PKHD1: variants seen among roughly 807,000 people sequenced by gnomAD.
PKHD1 encodes fibrocystin.
Under a neutral mutation model 412.0 loss-of-function variants are expected in PKHD1, and 291 were observed. That is an observed-to-expected ratio of 0.71 (90% confidence interval 0.64 to 0.78). The LOEUF (loss-of-function observed/expected upper bound fraction) is 0.78. Ranked by LOEUF, PKHD1 falls within the 30% of genes least tolerant of loss-of-function variation. The pLI is 0.00. For missense variants in PKHD1, 4,825 were observed against 4,950.7 expected (o/e 0.97, Z 0.76); for synonymous variants, 1,777 against 1,821.5 (o/e 0.98, Z 0.62).
chr6:51,765,406 T>C (rs1465881513), intron 55 of PKHD1, among the ~76,000 whole-genome samples: 1 of 152,154 alleles, frequency 6.6e-6, no homozygotes, highest in East Asian at 1.9e-4. Context: ...TGACCTCTTA[T>C]ACCTGAACAA....
At chr6:51,813,165 T>C (rs1400998632) in intron 52 of PKHD1, among the ~76,000 whole-genome samples, 4 of 152,214 alleles carry the variant, frequency 2.6e-5, no homozygotes, top group Non-Finnish European at 5.9e-5. Context: ...ATGGTCCTCA[T>C]ATTCAGCTCA....
chr6:52,028,226 G>T lies in PKHD1; in HGVS notation c.3490C>A (p.Leu1164Met). Residue 1164 changes from leucine to methionine, a missense_variant, in exon 30 of 67, where the codon CTG (leucine) becomes ATG (methionine). Physicochemically the swap from Leu to Met is conservative, Grantham distance 15. Transcript: ENST00000371117. ...TQSAWGLEVALPPLPAGLHRI... is the reference protein window; with the variant it reads ...TQSAWGLEVAMPPLPAGLHRI... ...TGGAGACCAGCTGGCAGTGGGGGCA[G>T]TGCCACCTCCAGGCCCCAAGCCGAC... 2 of 1,614,196 alleles carry T rather than the reference G, an allele frequency of 1.2e-6. No homozygotes were observed. The highest frequency in any genetic ancestry group is 1.7e-6 in the Non-Finnish European group (2 of 1,180,002).
chr6:51,863,468 G>A (rs934456033), intron 48 of PKHD1, among the ~76,000 whole-genome samples: 1 of 152,078 alleles, frequency 6.6e-6, no homozygotes, highest in Non-Finnish European at 1.5e-5. Context: ...AAAAATTTTC[G>A]AGAAAATAAT....
Position 51,934,157 on chromosome 6 carries a change from T to C in PKHD1, c.6074A>G (p.Tyr2025Cys), listed in dbSNP as rs1554144226. Reference protein sequence around the residue: ...GSSYSTPFFPYGVKFLAVRNG... With the variant: ...GSSYSTPFFPCGVKFLAVRNG... ...CCTCACAGCCAGGAACTTGACTCCATAGGGAAAGAAGGGAGTTGAGTAGGA... is the reference window on the plus strand; with the variant it reads ...CCTCACAGCCAGGAACTTGACTCCACAGGGAAAGAAGGGAGTTGAGTAGGA... Residue 2025 changes from tyrosine to cysteine, a missense_variant, in exon 37 of 67, where the codon TAT becomes TGT. By Grantham distance (194) the Tyr-to-Cys change is radical. Coordinates refer to ENST00000371117, the MANE Select transcript of PKHD1 (RefSeq NM_138694.4). 6.2e-6 allele frequency: 10 copies of C among 1,613,904 alleles called. No individual in the cohort carries two copies. Among genetic ancestry groups the C allele is most frequent in the African/African-American group, 2.7e-5 (2 of 75,020 alleles).
chr6:51,626,435 T>C (rs1363985543), intron 66 of PKHD1, among the ~76,000 whole-genome samples: 1 of 152,230 alleles, frequency 6.6e-6, no homozygotes, highest in Non-Finnish European at 1.5e-5. Flanking sequence ...CAAATGCTTA[T>C]CTTTTCTCTG....
chr6:51,979,291 G>A (rs540568388), intron 35 of PKHD1, among the ~76,000 whole-genome samples: 35 of 152,250 alleles, frequency 2.3e-4, no homozygotes, highest in African/African-American at 8.4e-4. Context: ...CTTGACTGTA[G>A]GCTCCATGAG....
At chr6:51,838,757 C>G (rs1196178071) in intron 50 of PKHD1, among the ~76,000 whole-genome samples, 2 of 152,172 alleles carry the variant, frequency 1.3e-5, no homozygotes, top group South Asian at 2.1e-4. Flanking sequence ...AGCCCAACAG[C>G]CTGAATCTGA....
At chr6:52,040,351 C>T (rs1314214287) in intron 27 of PKHD1, among the ~76,000 whole-genome samples, 1 of 152,104 alleles carries the variant, frequency 6.6e-6, no homozygotes, top group African/African-American at 2.4e-5. Context: ...CTACCCTAGG[C>T]CAAGCCAACA....
intron 35 of PKHD1, among the ~76,000 whole-genome samples, chr6:51,985,588 G>C (rs535266417): frequency 1.3e-5 from 2 of 152,140 alleles, no homozygotes; most frequent in African/African-American, 2.4e-5. Flanking sequence ...AATTAGCCAG[G>C]CATGGTGGCA....
chr6:52,007,093 G>A (rs1233331417), intron 35 of PKHD1, among the ~76,000 whole-genome samples: 3 of 152,150 alleles, frequency 2.0e-5, no homozygotes, highest in Admixed American at 2.0e-4. Context: ...CTCGTTTCCT[G>A]ATGGGCATTT....
At chr6:51,842,263 G>A (rs958381716) in intron 50 of PKHD1, among the ~76,000 whole-genome samples, 2 of 152,132 alleles carry the variant, frequency 1.3e-5, no homozygotes, top group Non-Finnish European at 2.9e-5. Flanking sequence ...CCATGAGTGG[G>A]GGCTGTGTGA....
rs115794470 is a variant in PKHD1 at position 52,014,864 on chromosome 6, C to T, written c.5600+2546G>A. Among the ~76,000 whole-genome samples, 641 of 152,186 alleles carry T rather than the reference C, an allele frequency of 4.2e-3. 4 individuals are homozygous for T. The highest frequency in any genetic ancestry group is 0.014 in the African/African-American group (600 of 41,506). On this transcript the variant is annotated intron_variant, in intron 34 of 66. Coordinates refer to ENST00000371117, the MANE Select transcript of PKHD1 (RefSeq NM_138694.4). Reference sequence around the variant, plus strand: ...CAGGGTATAATTTTTGCCACAGATGCACTTCTCCCTTTGCCAAATGACATC... The same window carrying T: ...CAGGGTATAATTTTTGCCACAGATGTACTTCTCCCTTTGCCAAATGACATC...
chr6:51,690,143 G>T (rs1457382490), intron 60 of PKHD1, among the ~76,000 whole-genome samples: 1 of 151,820 alleles, frequency 6.6e-6, no homozygotes, highest in Non-Finnish European at 1.5e-5. Context: ...ATGGTGGCAT[G>T]CACCTGTAGA....
At chr6:51,631,106 T>G (rs1308254045) in intron 65 of PKHD1, among the ~76,000 whole-genome samples, 1 of 152,104 alleles carries the variant, frequency 6.6e-6, no homozygotes, top group East Asian at 1.9e-4. Context: ...AGGTTAGACC[T>G]TAGGGAGAGA....
chr6:51,953,682 T>C (rs1471632370), intron 36 of PKHD1, among the ~76,000 whole-genome samples: 1 of 151,838 alleles, frequency 6.6e-6, no homozygotes, highest in Non-Finnish European at 1.5e-5. Flanking sequence ...AATTCTACAA[T>C]GAACCTGACA....
At chr6:51,977,833 A>G (rs917465522) in intron 35 of PKHD1, among the ~76,000 whole-genome samples, 4 of 152,154 alleles carry the variant, frequency 2.6e-5, no homozygotes, top group Non-Finnish European at 5.9e-5. Context: ...AAGAGGGGGC[A>G]CTGGTTTGGG....
intron 63 of PKHD1, among the ~76,000 whole-genome samples, chr6:51,643,215 C>T (rs2150346269): frequency 6.6e-6 from 1 of 152,232 alleles, no homozygotes. Context: ...GTTCGAAATG[C>T]AATTCTGAAT....
chr6:51,734,010 C>T (rs2150905248), intron 60 of PKHD1, among the ~76,000 whole-genome samples: 1 of 152,246 alleles, frequency 6.6e-6, no homozygotes, highest in East Asian at 1.9e-4. Context: ...CATTTCTTTC[C>T]AAGTAGCATG....
intron 60 of PKHD1, among the ~76,000 whole-genome samples, chr6:51,720,345 C>T (rs1418895869): frequency 6.6e-6 from 1 of 152,132 alleles, no homozygotes; most frequent in Non-Finnish European, 1.5e-5. Context: ...TCCCACAGGG[C>T]TCCTCAGGAA....
Sources: gnomAD v4.1 joint callset for allele counts (sites outside exome capture counted in the v4.1 genomes callset) on GRCh38, gnomAD v4.1.1 for gene constraint, MANE v1.5 for transcripts, NCBI Gene and HGNC (gene_info 2026-07-23, HGNC 2026-07-21) for gene names.